The following BROX variants were observed in gnomAD, a reference collection of about 807,000 sequenced individuals.
The protein encoded by BROX is BRO1 domain-containing protein BROX.
Under a neutral mutation model 61.0 loss-of-function variants are expected in BROX, and 53 were observed. The observed-to-expected ratio is 0.87, with a 90% confidence interval of 0.70 to 1.09. The LOEUF is 1.09. BROX is among the 50% of genes least tolerant of loss of function. The pLI, the probability that BROX is intolerant of heterozygous loss-of-function variation, is 0.00. For synonymous variants in BROX, 152 were observed against 160.2 expected (o/e 0.95, Z 0.38); for missense variants, 489 against 472.0 (o/e 1.04, Z -0.33).
intron 11 of BROX, 144 bp from the exon 12 acceptor site, chr1:222,731,213 C>T: frequency 1.5e-6 from 1 of 653,450 alleles, no homozygotes. Flanking sequence ...ACAAAAGTTT[C>T]TTGACTTTTT....
chr1:222,717,689 T>C (rs556026358), intron 2 of BROX, among the ~76,000 whole-genome samples: 2 of 152,354 alleles, frequency 1.3e-5, no homozygotes, highest in African/African-American at 4.8e-5. Context: ...TAAGCCTCCT[T>C]AGAGTTAGTA....
chr1:222,720,119 G>C (rs1656957907), intron 4 of BROX, among the ~76,000 whole-genome samples: 1 of 152,148 alleles, frequency 6.6e-6, no homozygotes, highest in Non-Finnish European at 1.5e-5. Flanking sequence ...TTAGATGCAA[G>C]TCCAGGTTTT....
In BROX at chr1:222,732,887, T is replaced by C. The variant is rs1658045450; in HGVS notation, c.*173T>C. 1 of 585,420 alleles carries C rather than the reference T, an allele frequency of 1.7e-6. No individual in the cohort carries two copies. The highest frequency in any genetic ancestry group is 3.0e-6 in the Non-Finnish European group (1 of 335,316). 36.3% of individuals were successfully genotyped at this position (585,420 alleles called of 1,614,324 possible). A position where few individuals can be genotyped will look rare whatever the true frequency, so the allele number is the denominator to read the frequency against. On this transcript the variant is annotated 3_prime_UTR_variant, in exon 13 of 13. Coordinates refer to ENST00000340934, the MANE Select transcript of BROX (RefSeq NM_144695.4). ...TTTTTAATACAGCGGAGATGTTTCT[T>C]GCTTTGTTTTCAGACTCTCCTTTTT...
At chr1:222,729,563 A>G in intron 9 of BROX, 57 bp from the exon 10 acceptor site, 1 of 1,358,328 alleles carries the variant, frequency 7.4e-7, no homozygotes, top group East Asian at 2.3e-5. Flanking sequence ...ACATAAAACA[A>G]TAGGGGAAAG....
At position 222,720,946 on chromosome 1, in the gene BROX, T is replaced by G. The variant is rs562517771; in HGVS notation, c.306-1473T>G. On this transcript the variant is annotated intron_variant, in intron 4 of 12. Coordinates refer to ENST00000340934, the MANE Select transcript of BROX (RefSeq NM_144695.4). ...CAAGTGAGACTTCTAAGTTACTTTA[T>G]TCTTGATTGCTGCTTACTCAGTGGA... 3.9e-5 allele frequency among the ~76,000 whole-genome samples: 6 copies of G among 152,388 alleles called. No homozygotes were observed. In the East Asian group the frequency reaches 1.2e-3, roughly 29 times the overall value.
At chr1:222,713,419 A>G (rs576975145) in intron 1 of BROX, 2 of 983,548 alleles carry the variant, frequency 2.0e-6, no homozygotes, top group African/African-American at 1.8e-5. Context: ...GCGCTCAGGT[A>G]GGTTCCTCTG....
Position 222,712,617 on chromosome 1 carries a change from T to C in BROX, c.-342T>C. On this transcript the variant is annotated 5_prime_UTR_variant, in exon 1 of 13. Coordinates refer to ENST00000340934, the MANE Select transcript of BROX (RefSeq NM_144695.4). Reference sequence around the variant, plus strand: ...CGGCATTCTCCCTCGGCTCCGGAGGTAGGGGCAACTCTTCTCTTCCTGTCT... The same window carrying C: ...CGGCATTCTCCCTCGGCTCCGGAGGCAGGGGCAACTCTTCTCTTCCTGTCT... The C allele has an allele frequency of 2.3e-6, 3 of 1,333,284 alleles. No homozygotes were observed. Among genetic ancestry groups the C allele is most frequent in the South Asian group, 1.4e-5 (1 of 73,102 alleles). The allele number at this position is 1,333,284 out of a possible 1,614,324, so 82.6% of individuals were successfully genotyped here.
At chr1:222,731,235 A>G (rs1657911790) in intron 11 of BROX, 122 bp from the exon 12 acceptor site, 2 of 811,114 alleles carry the variant, frequency 2.5e-6, no homozygotes, top group East Asian at 3.2e-5. Flanking sequence ...ACTTTCCTAC[A>G]TAAGGCAGAA....
At chr1:222,713,085 A>T in intron 1 of BROX, 143 bp downstream of exon 1, 1 of 1,023,538 alleles carries the variant, frequency 9.8e-7, no homozygotes, top group Non-Finnish European at 1.2e-6. Context: ...AGTGCCTTGA[A>T]ACAAACGACA....
chr1:222,729,647 T>C lies in BROX; in HGVS notation c.784T>C (p.Leu262=). 2.5e-6 allele frequency: 4 copies of C among 1,613,140 alleles called. No homozygotes were observed. Among genetic ancestry groups the C allele is most frequent in the East Asian group, 2.2e-5 (1 of 44,802 alleles). ...YAYCYHGETL[L]ASDKCGEAIR... ...TTACTGTTACCATGGTGAGACTTTA[T>C]TGGCTAGTGATAAATGCGGTGAAGC... The change falls in exon 10 of 13, where the codon TTG becomes CTG. Residue 262 remains leucine, a synonymous_variant. Transcript: ENST00000340934.
intron 5 of BROX, among the ~76,000 whole-genome samples, chr1:222,723,630 C>T (rs939777076): frequency 6.6e-5 from 10 of 152,264 alleles, no homozygotes; most frequent in Admixed American, 4.6e-4. Flanking sequence ...TTCCTATAAA[C>T]GTACATTTCA....
intron 7 of BROX, 51 bp downstream of exon 7, chr1:222,725,606 G>T (rs1657446736): frequency 1.4e-6 from 2 of 1,413,670 alleles, no homozygotes; most frequent in South Asian, 2.5e-5. Context: ...TATTGTCATT[G>T]AATTCCTCTT....
At position 222,712,945 on chromosome 1, in the gene BROX, A is replaced by AG; in HGVS notation, c.-17+3_-17+4insG. 8.4e-7 allele frequency: 1 copy of AG among 1,189,500 alleles called. No individual in the cohort carries two copies. Among genetic ancestry groups the AG allele is most frequent in the Admixed American group, 3.3e-5 (1 of 30,136 alleles). 73.7% of individuals were successfully genotyped at this position (1,189,500 alleles called of 1,614,324 possible). A position where few individuals can be genotyped will look rare whatever the true frequency, so the allele number is the denominator to read the frequency against. ...CTGAACCGACTCTGAGAAATTTGGT[A>AG]AGTATGTCAGAGGATGGGTGTTTCT... On this transcript the variant is annotated splice_donor_region_variant and intron_variant, in intron 1 of 12. Coordinates refer to ENST00000340934, the MANE Select transcript of BROX (RefSeq NM_144695.4).
chr1:222,713,568 G>A, intron 1 of BROX: 1 of 478,860 alleles, frequency 2.1e-6, no homozygotes, highest in Non-Finnish European at 2.7e-6. Flanking sequence ...TGGGTGTGTC[G>A]TTCTTCTATC....
At chr1:222,716,184 C>G (rs147129894) in intron 2 of BROX, among the ~76,000 whole-genome samples, 1 of 152,060 alleles carries the variant, frequency 6.6e-6, no homozygotes, top group Non-Finnish European at 1.5e-5. Context: ...CTGCAACCTC[C>G]GCCTCCTGGG....
intron 1 of BROX, chr1:222,715,363 C>G (rs1421039343): frequency 6.5e-6 from 1 of 154,472 alleles, no homozygotes; most frequent in Non-Finnish European, 1.4e-5. Context: ...AAATGCTCTT[C>G]TGCTTTTTTT....
At chr1:222,715,825 T>G (rs1656563411) in intron 2 of BROX, 25 bp downstream of exon 2, 1 of 1,454,020 alleles carries the variant, frequency 6.9e-7, no homozygotes, top group African/African-American at 1.4e-5. Flanking sequence ...TGAACCACTC[T>G]TAGATGCAAG....
intron 8 of BROX, among the ~76,000 whole-genome samples, chr1:222,727,518 C>T (rs1404243838): frequency 6.6e-6 from 1 of 152,050 alleles, no homozygotes; most frequent in East Asian, 1.9e-4. Flanking sequence ...TTATAACAAC[C>T]TTATAGTTAC....
chr1:222,729,396 G>A (rs943718661), intron 9 of BROX, among the ~76,000 whole-genome samples: 2 of 152,060 alleles, frequency 1.3e-5, no homozygotes, highest in African/African-American at 2.4e-5. Context: ...ACAGATTTCA[G>A]CAAATAACTT....
Sources: allele counts gnomAD v4.1 joint callset (sites outside exome capture counted in the v4.1 genomes callset), GRCh38; gene constraint gnomAD v4.1.1; transcripts MANE v1.5; gene names NCBI Gene and HGNC (gene_info 2026-07-23, HGNC 2026-07-21).